Variants in STRA6 observed in about 807,000 individuals in gnomAD.
STRA6 encodes receptor for retinol uptake STRA6.
In STRA6, 48 loss-of-function variants were observed where a neutral mutation model predicts 83.6. The ratio of observed to expected loss-of-function variants is 0.57; its 90% CI spans 0.46 to 0.73. The LOEUF is 0.73. Among genes scored for constraint, STRA6 ranks in the 30% least tolerant of loss-of-function variants. The pLI is 0.00. For missense variants in STRA6, 760 were observed against 838.8 expected, an observed-to-expected ratio of 0.91 and a Z score of 1.16; for synonymous variants, 353 against 362.3, an observed-to-expected ratio of 0.97 and a Z score of 0.29.
chr15:74,180,229 G>A lies in STRA6; in HGVS notation c.1855C>T (p.Gln619Ter). The change falls in exon 19 of 19, where the codon CAG becomes TAG. Residue 619 changes from glutamine to a stop codon, truncating the protein, a stop_gained. Coordinates refer to ENST00000395105, the MANE Select transcript of STRA6 (RefSeq NM_022369.4). LOFTEE classifies it low-confidence loss of function (END_TRUNC). The part of the protein sequence containing the change: ...GEEDEGMQLL[Q>*]TKDSMAKGAR... ...CCCTTGGCCATGGAGTCCTTTGTCT[G>A]TAGCAGCTGCATCCCTGAGAGAGAC... 1.2e-6 allele frequency: 2 copies of A among 1,614,136 alleles called. No individual in the cohort carries two copies. The highest frequency in any genetic ancestry group is 1.7e-6 in the Non-Finnish European group (2 of 1,180,022).
chr15:74,180,266 G>A (rs2072911340), intron 18 of STRA6, 23 bp from the exon 19 acceptor site: 9 of 1,613,884 alleles, frequency 5.6e-6, no homozygotes, highest in African/African-American at 1.3e-5. Context: ...GACTTTCTGT[G>A]AGTCACTCAG....
At chr15:74,203,027 C>G, upstream of STRA6, 1 of 986,006 alleles carries the variant, frequency 1.0e-6, no homozygotes, top group Non-Finnish European at 1.2e-6. Flanking sequence ...TGCCCCAGAG[C>G]TCCCAAGCCC....
At chr15:74,207,739 G>A (rs77704192), upstream of STRA6, 20 of 1,535,618 alleles carry the variant, frequency 1.3e-5, no homozygotes, top group East Asian at 4.9e-5. Context: ...ATAAGCAGCC[G>A]AGAGAGTCAA....
chr15:74,197,878 G>A (rs2073894537), intron 2 of STRA6, 60 bp from the exon 3 acceptor site: 1 of 1,571,112 alleles, frequency 6.4e-7, no homozygotes, highest in Admixed American at 1.7e-5. Context: ...TGTGCAGATG[G>A]GTCTGGGGTT....
In STRA6 at chr15:74,190,867, AG is replaced by A; in HGVS notation, c.899del (p.Ala300ValfsTer3). 2 of 1,614,126 alleles carry A rather than the reference AG, an allele frequency of 1.2e-6. No individual in the cohort carries two copies. Among genetic ancestry groups the A allele is most frequent in the Non-Finnish European group, 1.7e-6 (2 of 1,180,028 alleles). On this transcript the variant is annotated frameshift_variant, in exon 11 of 19. Coordinates refer to ENST00000395105, the MANE Select transcript of STRA6 (RefSeq NM_022369.4). LOFTEE classifies it high-confidence loss of function. ...FHLPLKLVLS[A>X]TLTGTAIYQV... ...GGTAAATGGCCGTCCCTGTCAGTGT[AG>A]CTGAAAGCACCAGCTTCAGCGGGAG...
chr15:74,185,771 G>A (rs1260587566), intron 12 of STRA6, among the ~76,000 whole-genome samples: 1 of 152,264 alleles, frequency 6.6e-6, no homozygotes, highest in African/African-American at 2.4e-5. Flanking sequence ...AGGTTAGACA[G>A]AAGAACTGTT....
chr15:74,208,827 CCCTT>C, exon 1 of STRA6: 2 of 989,282 alleles, frequency 2.0e-6, no homozygotes, highest in Non-Finnish European at 1.2e-6. Flanking sequence ...CCTGACCTCT[CCCTT>C]CCTTGTCTCT....
At chr15:74,194,871 G>A (rs145156423) in intron 7 of STRA6, 21,821 of 1,380,770 alleles carry the variant, frequency 0.016, 206 homozygotes, top group Non-Finnish European at 0.019. Context: ...AGTGAGCAAG[G>A]TCCTGAGGTT....
At chr15:74,186,775 GA>G (rs1025136044) in intron 12 of STRA6, among the ~76,000 whole-genome samples, 34 of 149,738 alleles carry the variant, frequency 2.3e-4, no homozygotes, top group African/African-American at 7.8e-4. Context: ...CATCTCAAAA[GA>G]AAAAAAAAAT....
At chr15:74,192,329 A>T (rs1369124033) in intron 8 of STRA6, among the ~76,000 whole-genome samples, 1 of 152,148 alleles carries the variant, frequency 6.6e-6, no homozygotes, top group Non-Finnish European at 1.5e-5. Flanking sequence ...AGCTGTAAAC[A>T]GGAGGGGACA....
chr15:74,180,608 A>G (rs1251470117), intron 18 of STRA6, among the ~76,000 whole-genome samples, 174 bp downstream of exon 18: 1 of 152,150 alleles, frequency 6.6e-6, no homozygotes, highest in African/African-American at 2.4e-5. Context: ...GTGTGTTCAT[A>G]TCATGGAAAA....
intron 14 of STRA6, chr15:74,183,528 G>A: frequency 8.3e-7 from 1 of 1,198,276 alleles, no homozygotes; most frequent in Non-Finnish European, 1.1e-6. Flanking sequence ...ACAGGTGTGA[G>A]CCACTGAGCC....
chr15:74,189,404 T>C (rs1351387381), intron 11 of STRA6, 127 bp from the exon 12 acceptor site: 7 of 1,355,662 alleles, frequency 5.2e-6, no homozygotes, highest in Non-Finnish European at 7.1e-6. Flanking sequence ...TCAGTGTTCT[T>C]ATCTGCCCCT....
chr15:74,191,134 TG>T, intron 10 of STRA6, 32 bp downstream of exon 10: 1 of 1,611,596 alleles, frequency 6.2e-7, no homozygotes, highest in Non-Finnish European at 8.5e-7. Flanking sequence ...TAACGTCCCC[TG>T]TCACGCTCGG....
In STRA6 at chr15:74,182,339, TCAC is replaced by T. The variant is rs751838285; in HGVS notation, c.1418+1_1418+3del. Reference sequence around the variant, plus strand: ...CTGAGCCCTCCATGTCTTGTTTCACTCACCACGAGGACTCCAGGGAACGGAAGA... The same window carrying T: ...CTGAGCCCTCCATGTCTTGTTTCACTCACGAGGACTCCAGGGAACGGAAGA... On this transcript the variant is annotated splice_donor_variant and splice_donor_region_variant and intron_variant, in intron 15 of 18. Transcript: ENST00000395105. LOFTEE classifies it high-confidence loss of function. The T allele has an allele frequency of 6.2e-7, 1 of 1,614,082 alleles. No homozygotes were observed. Among genetic ancestry groups the T allele is most frequent in the Non-Finnish European group, 8.5e-7 (1 of 1,179,980 alleles).
At chr15:74,180,712 G>C (rs1460498133) in intron 18 of STRA6, 70 bp downstream of exon 18, 28 of 1,535,700 alleles carry the variant, frequency 1.8e-5, no homozygotes, top group Non-Finnish European at 2.3e-5. Flanking sequence ...GTGTGCTGGG[G>C]AGGGGCACAC....
In STRA6 at chr15:74,197,340, G is replaced by T. The variant is rs1241875542; in HGVS notation, c.264C>A (p.Pro88=). 2.6e-6 allele frequency: 4 copies of T among 1,549,300 alleles called. No individual in the cohort carries two copies. The highest frequency in any genetic ancestry group is 3.5e-6 in the Non-Finnish European group (4 of 1,146,016). Residue 88 remains proline (P), a splice_region_variant and synonymous_variant, in exon 4 of 19, where the codon CCC becomes CCA. Coordinates refer to ENST00000395105, the MANE Select transcript of STRA6 (RefSeq NM_022369.4). ...GGTGCCCAGGCCATGGTACAAACCT[G>T]GGCAGGCCGGGCCTGCCACGCACAC... is the stretch of plus-strand genomic sequence containing the variant. ...PDCVRGRPGL[P]SPVDFLAGDR...
upstream of STRA6, among the ~76,000 whole-genome samples, chr15:74,205,096 G>C (rs949587957): frequency 1.3e-5 from 2 of 152,216 alleles, 1 homozygote. Context: ...CACCAGAGGG[G>C]AAGTGAAGTG....
rs545309882 is a variant in STRA6, at chr15:74,180,070, T to C, written c.*10A>G. ...GCACAGATGGGCAGGTGGGTTGACC[T>C]TCCCTGCCCTCAGGGCTGGGCACCA... On this transcript the variant is annotated 3_prime_UTR_variant, in exon 19 of 19. Transcript: ENST00000395105. 1.2e-6 allele frequency: 2 copies of C among 1,610,604 alleles called. No homozygotes were observed. Among genetic ancestry groups the C allele is most frequent in the East Asian group, 4.5e-5 (2 of 44,752 alleles).
Sources: gnomAD v4.1 joint callset for allele counts (sites outside exome capture counted in the v4.1 genomes callset) on GRCh38, gnomAD v4.1.1 for gene constraint, MANE v1.5 for transcripts, NCBI Gene and HGNC (gene_info 2026-07-23, HGNC 2026-07-21) for gene names.